The following TIAM1 variants were observed in gnomAD, a reference collection of about 807,000 sequenced individuals.
TIAM1 encodes the protein TIAM Rac1 associated GEF 1, also known as rho guanine nucleotide exchange factor TIAM1.
In TIAM1, 65 loss-of-function variants were observed where a neutral mutation model predicts 163.5. The observed-to-expected ratio is 0.40, with a 90% CI of 0.33 to 0.49. The LOEUF is 0.49. Among genes scored for constraint, TIAM1 ranks in the 20% least tolerant of loss-of-function variants. The probability of loss-of-function intolerance (pLI) is 0.77; values close to 1 mark genes in which losing one functional copy is unlikely to be tolerated. For synonymous variants in TIAM1, 833 were observed against 810.1 expected, an observed-to-expected ratio of 1.03 and a Z score of -0.48; for missense variants, 1,789 against 2,044.7, an observed-to-expected ratio of 0.87 and a Z score of 2.41.
intron 19 of TIAM1, among the ~76,000 whole-genome samples, chr21:31,147,755 AATTAATATATTAT>A (rs1365770821): frequency 3.5e-5 from 5 of 141,268 alleles, no homozygotes; most frequent in Admixed American, 1.4e-4. Context: ...TATAATATAT[AATTAATATATTAT>A]ATTAATATAT....
At chr21:31,133,538 T>C (rs1341599533) in intron 23 of TIAM1, among the ~76,000 whole-genome samples, 1 of 152,216 alleles carries the variant, frequency 6.6e-6, no homozygotes, top group East Asian at 1.9e-4. Flanking sequence ...TATCGGAGCC[T>C]GTGCAGAAAG....
rs191831459 is a variant in TIAM1 at position 31,146,513 on chromosome 21, C to T, written c.3475+382G>A. Among the ~76,000 whole-genome samples the T allele has an allele frequency of 4.6e-3, 701 of 151,292 alleles. 3 individuals carry two copies. The highest frequency in any genetic ancestry group is 7.1e-3 in the Non-Finnish European group (483 of 67,860). ...ATCACCTGAGGTCAGGAGTTCGAGA[C>T]CAGCCTGGCCAACGTGGCGAAACTC... On this transcript the variant is annotated intron_variant, in intron 20 of 27. Transcript: ENST00000541036.
intron 2 of TIAM1, among the ~76,000 whole-genome samples, chr21:31,399,921 G>C (rs1035033077): frequency 1.3e-5 from 2 of 151,898 alleles, no homozygotes; most frequent in Non-Finnish European, 2.9e-5. Context: ...AGAGAATGTT[G>C]ACACTTTCAT....
At chr21:31,197,088 G>A (rs2085896960) in intron 12 of TIAM1, among the ~76,000 whole-genome samples, 1 of 152,188 alleles carries the variant, frequency 6.6e-6, no homozygotes, top group Non-Finnish European at 1.5e-5. Flanking sequence ...GACTACCAGA[G>A]GGGGAAGGCA....
intron 1 of TIAM1, among the ~76,000 whole-genome samples, chr21:31,487,439 C>T (rs549875608): frequency 5.4e-4 from 82 of 152,156 alleles, no homozygotes; most frequent in Admixed American, 1.6e-3. Flanking sequence ...GGTGCGATCT[C>T]GGCTCACCAT....
At chr21:31,508,190 G>T (rs1209484552) in intron 1 of TIAM1, among the ~76,000 whole-genome samples, 1 of 152,058 alleles carries the variant, frequency 6.6e-6, no homozygotes, top group Non-Finnish European at 1.5e-5. Flanking sequence ...CCTCAGTCGT[G>T]GACTTCGAGC....
chr21:31,335,178 T>C (rs1356607965), intron 2 of TIAM1, among the ~76,000 whole-genome samples: 1 of 152,122 alleles, frequency 6.6e-6, no homozygotes, highest in East Asian at 1.9e-4. Flanking sequence ...AAGAGAAGCA[T>C]CCATCTCTTT....
At chr21:31,513,240 T>C (rs936433132) in intron 1 of TIAM1, among the ~76,000 whole-genome samples, 1 of 152,190 alleles carries the variant, frequency 6.6e-6, no homozygotes, top group African/African-American at 2.4e-5. Flanking sequence ...ACTCATTTAA[T>C]CCTCACAATG....
chr21:31,211,110 C>A (rs560069344), intron 10 of TIAM1, among the ~76,000 whole-genome samples: 1 of 152,136 alleles, frequency 6.6e-6, no homozygotes, highest in Non-Finnish European at 1.5e-5. Flanking sequence ...CATCATGGCA[C>A]AATGTAGCAA....
chr21:31,299,225 T>A (rs2146949548), intron 2 of TIAM1, among the ~76,000 whole-genome samples: 1 of 152,340 alleles, frequency 6.6e-6, no homozygotes, highest in East Asian at 1.9e-4. Context: ...TGAAAAGACT[T>A]CAATAGCTCC....
chr21:31,452,401 G>A lies in TIAM1; in HGVS notation c.-369+11582C>T, dbSNP rs141039607. ...TTGCAGTGAGCCAAGATCGCACTCC[G>A]GCCTGGGCCACAGAGCAAGACCCTA... On this transcript the variant is annotated intron_variant, in intron 2 of 28. Transcript: ENST00000286827. The A allele has an allele frequency of 2.1e-3, 579 of 277,024 alleles. 4 individuals are homozygous for A. Among genetic ancestry groups the A allele is most frequent in the African/African-American group, 0.012 (503 of 43,722 alleles). 17.2% of individuals were successfully genotyped at this position (277,024 alleles called of 1,614,324 possible). A position where few individuals can be genotyped will look rare whatever the true frequency, so the allele number is the denominator to read the frequency against.
chr21:31,309,894 C>A (rs1397617098), intron 2 of TIAM1, among the ~76,000 whole-genome samples: 1 of 152,184 alleles, frequency 6.6e-6, no homozygotes, highest in African/African-American at 2.4e-5. Context: ...AAGTAAAAAA[C>A]CCAAATCCCC....
chr21:31,349,220 CAAG>C (rs1292931125), upstream of TIAM1, among the ~76,000 whole-genome samples: 2 of 152,208 alleles, frequency 1.3e-5, no homozygotes, highest in Non-Finnish European at 2.9e-5. Flanking sequence ...TTTCATCTAA[CAAG>C]TCAAAGTCAA....
intron 2 of TIAM1, among the ~76,000 whole-genome samples, chr21:31,379,235 G>A (rs1205107513): frequency 6.6e-6 from 1 of 152,196 alleles, no homozygotes; most frequent in African/African-American, 2.4e-5. Context: ...GCCTCCCAAA[G>A]TGCTGATATT....
At chr21:31,458,248 G>A (rs557258115) in intron 2 of TIAM1, among the ~76,000 whole-genome samples, 13 of 151,906 alleles carry the variant, frequency 8.6e-5, no homozygotes, top group Non-Finnish European at 1.6e-4. Flanking sequence ...AGTGAAATCC[G>A]TCCCTACTAA....
chr21:31,376,657 G>C (rs766267310), intron 2 of TIAM1, among the ~76,000 whole-genome samples: 6 of 151,862 alleles, frequency 4.0e-5, no homozygotes, highest in African/African-American at 1.5e-4. Context: ...CTGTGACATC[G>C]GCCTCAAATA....
At chr21:31,501,512 T>A (rs953515824) in intron 1 of TIAM1, among the ~76,000 whole-genome samples, 1 of 152,152 alleles carries the variant, frequency 6.6e-6, no homozygotes, top group African/African-American at 2.4e-5. Context: ...TCTTTGGCCT[T>A]TCGTATCTAC....
At chr21:31,252,748 C>T (rs1239475388) in intron 4 of TIAM1, among the ~76,000 whole-genome samples, 1 of 152,252 alleles carries the variant, frequency 6.6e-6, no homozygotes, top group Non-Finnish European at 1.5e-5. Context: ...CTCACCCACT[C>T]ACCCAGCACG....
upstream of TIAM1, among the ~76,000 whole-genome samples, chr21:31,348,072 T>C (rs1222490207): frequency 2.0e-5 from 3 of 151,838 alleles, no homozygotes; most frequent in African/African-American, 7.2e-5. Flanking sequence ...TCCAAAAATT[T>C]TAACTCAAGT....
Sources: gnomAD v4.1 joint callset for allele counts (sites outside exome capture counted in the v4.1 genomes callset) on GRCh38, gnomAD v4.1.1 for gene constraint, MANE v1.5 for transcripts, NCBI Gene and HGNC (gene_info 2026-07-23, HGNC 2026-07-21) for gene names.